Variants in RPS6KC1 observed in about 807,000 individuals in gnomAD.
The protein encoded by RPS6KC1 is inactive ribosomal protein S6 kinase delta-1.
RPS6KC1 carries 54 observed loss-of-function variants against 103.8 expected under a neutral mutation model. The observed-to-expected ratio is 0.52, with a 90% CI of 0.42 to 0.65. The LOEUF is 0.65. Among genes scored for constraint, RPS6KC1 ranks in the 30% least tolerant of loss-of-function variants. The pLI is 0.00. For synonymous variants in RPS6KC1, 439 were observed against 438.7 expected, an observed-to-expected ratio of 1.00 and a Z score of -0.01; for missense variants, 1,151 against 1,253.8, an observed-to-expected ratio of 0.92 and a Z score of 1.24.
At chr1:213,862,664 T>A in the RPS6KC1 span, among the ~76,000 whole-genome samples, 1 of 152,220 alleles carries the variant, frequency 6.6e-6, no homozygotes, top group South Asian at 2.1e-4. Context: ...AAATCCTTGT[T>A]TACATGTAAA....
the RPS6KC1 span, among the ~76,000 whole-genome samples, chr1:213,350,639 G>A: frequency 6.6e-6 from 1 of 152,122 alleles, no homozygotes; most frequent in Non-Finnish European, 1.5e-5. Context: ...GAGTTGGAAT[G>A]ATTATTAAAA....
chr1:213,599,654 T>C, the RPS6KC1 span, among the ~76,000 whole-genome samples: 1 of 152,236 alleles, frequency 6.6e-6, no homozygotes, highest in African/African-American at 2.4e-5. Context: ...AAATCTGTTC[T>C]AGCTGGCGGT....
intron 5 of RPS6KC1, among the ~76,000 whole-genome samples, chr1:213,128,722 A>G (rs1235536677): frequency 2.6e-5 from 4 of 152,226 alleles, no homozygotes; most frequent in Non-Finnish European, 5.9e-5. Flanking sequence ...TACATTTTCC[A>G]GTTACGGATG....
intron 6 of RPS6KC1, among the ~76,000 whole-genome samples, chr1:213,142,327 T>G (rs1294318123): frequency 6.6e-6 from 1 of 152,114 alleles, no homozygotes; most frequent in Non-Finnish European, 1.5e-5. Context: ...TTTATCCAAC[T>G]TGCCACTCTG....
intron 10 of RPS6KC1, among the ~76,000 whole-genome samples, chr1:213,236,983 A>G (rs2094235325): frequency 6.6e-6 from 1 of 152,158 alleles, no homozygotes. Context: ...GCCCAGACCT[A>G]TTCCCCAGAA....
chr1:213,491,757 A>C, the RPS6KC1 span, among the ~76,000 whole-genome samples: 3 of 152,144 alleles, frequency 2.0e-5, no homozygotes, highest in Admixed American at 1.3e-4. Flanking sequence ...CTGAGTTAGG[A>C]AATTTAAGAG....
At chr1:213,781,798 C>G in the RPS6KC1 span, among the ~76,000 whole-genome samples, 1 of 151,968 alleles carries the variant, frequency 6.6e-6, no homozygotes, top group Non-Finnish European at 1.5e-5. Flanking sequence ...AAGTAAAGGA[C>G]AATTTGGCAA....
At chr1:213,182,294 C>A (rs1217435709) in intron 8 of RPS6KC1, among the ~76,000 whole-genome samples, 1 of 152,122 alleles carries the variant, frequency 6.6e-6, no homozygotes, top group South Asian at 2.1e-4. Context: ...GAATTTGAGA[C>A]CAGCCTGGCC....
intron 1 of RPS6KC1, among the ~76,000 whole-genome samples, chr1:213,058,708 T>C (rs533800375): frequency 4.6e-5 from 7 of 152,346 alleles, no homozygotes; most frequent in African/African-American, 1.7e-4. Context: ...TCCAATTTTA[T>C]TCTTTTTCAA....
chr1:213,150,933 G>A (rs543941871), intron 6 of RPS6KC1, among the ~76,000 whole-genome samples: 61 of 151,510 alleles, frequency 4.0e-4, no homozygotes, highest in African/African-American at 1.3e-3. Context: ...GCAGCTGGCC[G>A]GGCAGGGGGG....
intron 7 of RPS6KC1, among the ~76,000 whole-genome samples, chr1:213,168,602 G>A (rs1054012052): frequency 1.3e-5 from 2 of 152,006 alleles, no homozygotes; most frequent in Non-Finnish European, 2.9e-5. Flanking sequence ...TCCGGAAATG[G>A]GAGAAAGGGT....
At chr1:213,608,175 G>A in the RPS6KC1 span, among the ~76,000 whole-genome samples, 1 of 152,182 alleles carries the variant, frequency 6.6e-6, no homozygotes, top group Non-Finnish European at 1.5e-5. Flanking sequence ...GGAAGCAAGA[G>A]ATAAAGCACC....
At chr1:213,078,432 C>T (rs1393190620) in intron 3 of RPS6KC1, among the ~76,000 whole-genome samples, 2 of 152,064 alleles carry the variant, frequency 1.3e-5, no homozygotes, top group East Asian at 1.9e-4. Context: ...AATGGAGTCT[C>T]ATTCTGTCAC....
At chr1:213,229,657 C>A (rs1446814279) in intron 8 of RPS6KC1, among the ~76,000 whole-genome samples, 1 of 151,724 alleles carries the variant, frequency 6.6e-6, no homozygotes, top group Admixed American at 6.6e-5. Flanking sequence ...TTTCATACTT[C>A]TGTTAATTTA....
At chr1:213,555,215 G>T in the RPS6KC1 span, among the ~76,000 whole-genome samples, 1 of 152,194 alleles carries the variant, frequency 6.6e-6, no homozygotes, top group African/African-American at 2.4e-5. Context: ...GTTTGAAAAT[G>T]TTGCAACTTG....
chr1:213,768,425 G>A, the RPS6KC1 span, among the ~76,000 whole-genome samples: 4 of 152,190 alleles, frequency 2.6e-5, no homozygotes, highest in African/African-American at 9.7e-5. Context: ...AAGGGAGAGA[G>A]GGAGGAAGGG....
At chr1:213,549,612 C>CTTTTTTTTTTTTTTTTT in the RPS6KC1 span, among the ~76,000 whole-genome samples, 6 of 86,914 alleles carry the variant, frequency 6.9e-5, no homozygotes, top group Non-Finnish European at 6.5e-5. Context: ...TTTTCTTTTC[C>CTTTTTTTTTTTTTTTTT]TTTTTTTTTT....
chr1:213,803,543 A>G, the RPS6KC1 span, among the ~76,000 whole-genome samples: 3 of 152,078 alleles, frequency 2.0e-5, no homozygotes, highest in Admixed American at 6.6e-5. Context: ...CCCCACACCC[A>G]GCCAACAATG....
the RPS6KC1 span, among the ~76,000 whole-genome samples, chr1:213,429,362 C>T: frequency 1.4e-4 from 22 of 152,250 alleles, no homozygotes; most frequent in South Asian, 8.3e-4. Flanking sequence ...CCATATTTCC[C>T]AGGCTGGTCT....
Sources: allele counts gnomAD v4.1 joint callset (sites outside exome capture counted in the v4.1 genomes callset), GRCh38; gene constraint gnomAD v4.1.1; transcripts MANE v1.5; gene names NCBI Gene and HGNC (gene_info 2026-07-23, HGNC 2026-07-21).